Variants in SGCZ observed in about 807,000 individuals in gnomAD.
The protein encoded by SGCZ is sarcoglycan zeta, also known as zeta-sarcoglycan.
In SGCZ, 40 loss-of-function variants were observed where a neutral mutation model predicts 41.3. The ratio of observed to expected loss-of-function variants is 0.97; its 90% CI spans 0.75 to 1.26. SGCZ has a LOEUF of 1.26. Among genes scored for constraint, SGCZ ranks in the 50% most tolerant of loss-of-function variants. SGCZ has a pLI of 0.00. For synonymous variants in SGCZ, 206 were observed against 137.5 expected (o/e 1.50, Z -3.49); for missense variants, 552 against 369.8 (o/e 1.49, Z -4.04).
At chr8:14,976,569 T>C (rs1357700186) in intron 1 of SGCZ, among the ~76,000 whole-genome samples, 1 of 152,192 alleles carries the variant, frequency 6.6e-6, no homozygotes, top group East Asian at 1.9e-4. Flanking sequence ...TGTCTATCTC[T>C]AGCTGTGAAG....
At chr8:14,669,134 A>G (rs1045869023) in intron 1 of SGCZ, among the ~76,000 whole-genome samples, 1 of 151,924 alleles carries the variant, frequency 6.6e-6, no homozygotes, top group African/African-American at 2.4e-5. Flanking sequence ...CAGGAGTCCA[A>G]CACCAGCCTG....
intron 1 of SGCZ, among the ~76,000 whole-genome samples, chr8:14,978,273 G>C (rs1259634463): frequency 6.6e-6 from 1 of 151,542 alleles, no homozygotes; most frequent in East Asian, 1.9e-4. Flanking sequence ...TTCAAGACCA[G>C]CCTGGCCAAC....
At chr8:14,411,514 A>T (rs1386065358) in intron 2 of SGCZ, among the ~76,000 whole-genome samples, 1 of 152,112 alleles carries the variant, frequency 6.6e-6, no homozygotes, top group Non-Finnish European at 1.5e-5. Context: ...GTGATACTTC[A>T]CTTGCTGCCT....
intron 2 of SGCZ, among the ~76,000 whole-genome samples, chr8:14,340,814 A>T (rs935729518): frequency 1.3e-5 from 2 of 152,172 alleles, no homozygotes; most frequent in Non-Finnish European, 2.9e-5. Context: ...CATTTAAATA[A>T]TTTTTAAGGG....
chr8:14,861,480 G>A (rs1355908048), intron 1 of SGCZ, among the ~76,000 whole-genome samples: 1 of 152,034 alleles, frequency 6.6e-6, no homozygotes, highest in Non-Finnish European at 1.5e-5. Flanking sequence ...CAGTGATCTT[G>A]CATATTAATA....
At chr8:14,185,564 C>G (rs905626953) in intron 4 of SGCZ, among the ~76,000 whole-genome samples, 1 of 152,088 alleles carries the variant, frequency 6.6e-6, no homozygotes, top group African/African-American at 2.4e-5. Flanking sequence ...TAGCATCTGA[C>G]TCATTCAAAA....
chr8:14,503,213 G>A (rs1176369075), intron 2 of SGCZ, among the ~76,000 whole-genome samples: 2 of 152,036 alleles, frequency 1.3e-5, no homozygotes, highest in African/African-American at 2.4e-5. Context: ...GCCAAACACT[G>A]CATGTTCTCA....
intron 4 of SGCZ, among the ~76,000 whole-genome samples, chr8:14,177,958 C>CTTTTCTTTTTTTTTTT (rs767919994): frequency 8.9e-4 from 85 of 95,036 alleles, no homozygotes; most frequent in Non-Finnish European, 1.4e-3. Context: ...CTTTTTTTTT[C>CTTTTCTTTTTTTTTTT]TTTTTTTTTT....
At position 14,633,969 on chromosome 8, in the gene SGCZ, C is replaced by T. The variant is rs151320242; in HGVS notation, c.40-79043G>A. On this transcript the variant is annotated intron_variant, in intron 1 of 7. Transcript: ENST00000382080. ...GAAATGAATACTAACAGTCCTTCTG[C>T]ACTTGGTTGAGATCCAAGACTACCA... Among the ~76,000 whole-genome samples, 1,333 of 151,976 alleles carry T rather than the reference C, an allele frequency of 8.8e-3. 19 individuals are homozygous for T. The highest frequency in any genetic ancestry group is 0.03 in the African/African-American group (1,263 of 41,538).
chr8:14,944,503 T>G (rs1444158108), intron 1 of SGCZ, among the ~76,000 whole-genome samples: 1 of 152,144 alleles, frequency 6.6e-6, no homozygotes, highest in Non-Finnish European at 1.5e-5. Context: ...AAAATGAACT[T>G]TAGGCCATTC....
intron 2 of SGCZ, among the ~76,000 whole-genome samples, chr8:14,443,438 G>C (rs1383426049): frequency 6.6e-6 from 1 of 152,064 alleles, no homozygotes; most frequent in African/African-American, 2.4e-5. Context: ...AACCAAAACA[G>C]CATGGTACTG....
rs898010744 is a variant in SGCZ, at chr8:14,087,811, G to A, written c.*2632C>T. ...TCACAATAGGCTTGATCTCTCTGAG[G>A]CAGGGATCTTGGCTTAGATTCAGAA... On this transcript the variant is annotated 3_prime_UTR_variant, in exon 8 of 8. Coordinates refer to ENST00000382080, the MANE Select transcript of SGCZ (RefSeq NM_139167.4). Among the ~76,000 whole-genome samples, 3 of 151,652 alleles carry A rather than the reference G, an allele frequency of 2.0e-5. No individual in the cohort carries two copies. The highest frequency in any genetic ancestry group is 1.9e-4 in the East Asian group (1 of 5,144).
At chr8:14,616,951 A>G (rs58529653) in intron 1 of SGCZ, among the ~76,000 whole-genome samples, 4,269 of 152,202 alleles carry the variant, frequency 0.028, 198 homozygotes, top group African/African-American at 0.096. Flanking sequence ...CCAGCTATAT[A>G]AAATAGCCAT....
intron 2 of SGCZ, among the ~76,000 whole-genome samples, chr8:14,514,405 G>C (rs962940512): frequency 2.0e-5 from 3 of 151,966 alleles, no homozygotes; most frequent in African/African-American, 7.2e-5. Flanking sequence ...CTGTAGGATA[G>C]GAAAAACGAC....
chr8:14,795,135 A>C (rs1213351133), intron 1 of SGCZ, among the ~76,000 whole-genome samples: 2 of 152,326 alleles, frequency 1.3e-5, no homozygotes, highest in East Asian at 3.9e-4. Flanking sequence ...AGGGTTTAAA[A>C]TCAAAATGGA....
At chr8:14,536,035 T>C (rs888342291) in intron 2 of SGCZ, among the ~76,000 whole-genome samples, 7 of 151,844 alleles carry the variant, frequency 4.6e-5, no homozygotes, top group African/African-American at 1.7e-4. Flanking sequence ...GATACAAGTT[T>C]AAAATGAACA....
intron 1 of SGCZ, among the ~76,000 whole-genome samples, chr8:14,993,476 A>C (rs989310448): frequency 2.0e-5 from 3 of 152,200 alleles, no homozygotes; most frequent in Non-Finnish European, 4.4e-5. Context: ...AAATAAATAA[A>C]TATATCATTT....
At chr8:14,257,169 A>C (rs962607314) in intron 3 of SGCZ, among the ~76,000 whole-genome samples, 3 of 151,990 alleles carry the variant, frequency 2.0e-5, no homozygotes, top group Admixed American at 1.3e-4. Context: ...CCTCTACAAA[A>C]AACAAAAATT....
chr8:14,568,458 A>AAC (rs1480574106), intron 1 of SGCZ, among the ~76,000 whole-genome samples: 1 of 151,706 alleles, frequency 6.6e-6, no homozygotes, highest in Non-Finnish European at 1.5e-5. Context: ...AAAAAAAAAA[A>AAC]AACTAAAGAA....
Sources: gnomAD v4.1 joint callset for allele counts (sites outside exome capture counted in the v4.1 genomes callset) on GRCh38, gnomAD v4.1.1 for gene constraint, MANE v1.5 for transcripts, NCBI Gene and HGNC (gene_info 2026-07-23, HGNC 2026-07-21) for gene names.